PCGF3: variants seen among roughly 807,000 people sequenced by gnomAD.
The protein encoded by PCGF3 is polycomb group ring finger 3.
Under a neutral mutation model 33.1 loss-of-function variants are expected in PCGF3, and 7 were observed. The observed-to-expected ratio is 0.21, with a 90% CI of 0.12 to 0.40. PCGF3 has a LOEUF of 0.40. Ranked by LOEUF, PCGF3 falls within the 10% of genes least tolerant of loss-of-function variation. The pLI, the probability that PCGF3 is intolerant of heterozygous loss-of-function variation, is 1.00. For missense variants in PCGF3, 211 were observed against 313.3 expected, an observed-to-expected ratio of 0.67 and a Z score of 2.46; for synonymous variants, 153 against 121.3, an observed-to-expected ratio of 1.26 and a Z score of -1.72.
chr4:744,551 C>A, intron 7 of PCGF3, 49 bp from the exon 8 acceptor site: 3 of 1,393,140 alleles, frequency 2.2e-6, no homozygotes, highest in East Asian at 2.5e-5. Context: ...TTTTAAATGG[C>A]TTGACAGTTT....
chr4:708,059 G>GC (rs201095868), intron 1 of PCGF3, among the ~76,000 whole-genome samples: 2 of 144,024 alleles, frequency 1.4e-5, no homozygotes, highest in African/African-American at 5.5e-5. Flanking sequence ...TCACCTGGGG[G>GC]CCGGGACCCT....
At chr4:738,851 TC>T (rs199667529) in intron 6 of PCGF3, among the ~76,000 whole-genome samples, 11,283 of 150,666 alleles carry the variant, frequency 0.075, 475 homozygotes, top group South Asian at 0.15. Context: ...AGAGCAAGAC[TC>T]CGTCTCAAAA....
At chr4:726,353 A>C (rs1743333474) in intron 1 of PCGF3, among the ~76,000 whole-genome samples, 1 of 152,308 alleles carries the variant, frequency 6.6e-6, no homozygotes, top group East Asian at 1.9e-4. Flanking sequence ...TCCAACGAGC[A>C]GCGCTGTGTG....
chr4:739,723 G>A lies in PCGF3; in HGVS notation c.262+2202G>A, dbSNP rs573533015. On this transcript the variant is annotated intron_variant, in intron 6 of 10. Transcript: ENST00000362003. Reference sequence around the variant, plus strand: ...GCATGCCACCTCCGTTCCATCGCTCGTCTCCACGTGTTAGTTGGAGTGTGC... The same window carrying A: ...GCATGCCACCTCCGTTCCATCGCTCATCTCCACGTGTTAGTTGGAGTGTGC... Among the ~76,000 whole-genome samples the A allele has an allele frequency of 1.2e-4, 19 of 152,330 alleles. 1 individual carries two copies. In the South Asian group the frequency reaches 2.3e-3, roughly 18 times the overall value.
At chr4:733,848 C>T in intron 4 of PCGF3, 59 bp downstream of exon 4, 2 of 1,612,930 alleles carry the variant, frequency 1.2e-6, no homozygotes, top group Non-Finnish European at 8.5e-7. Context: ...CTGTGCTCTT[C>T]AGAACCTTGG....
In PCGF3 at chr4:761,434, A is replaced by T. The variant is rs1347294148; in HGVS notation, c.600+18A>T. ...TTAACGAGGTAACAGTTGATCCCTA[A>T]GTAGAAACCATAACAAGTCCTCTCT... On this transcript the variant is annotated intron_variant, in intron 9 of 10. Coordinates refer to ENST00000362003, the Ensembl canonical transcript of PCGF3. The T allele has an allele frequency of 1.3e-6, 2 of 1,574,600 alleles. No homozygotes were observed. Among genetic ancestry groups the T allele is most frequent in the African/African-American group, 2.7e-5 (2 of 73,562 alleles).
intron 8 of PCGF3, among the ~76,000 whole-genome samples, chr4:755,339 C>G (rs149182543): frequency 6.6e-6 from 1 of 152,060 alleles, no homozygotes; most frequent in African/African-American, 2.4e-5. Flanking sequence ...GGGTGTCCAG[C>G]GACTCATCGC....
In PCGF3 at chr4:721,818, T is replaced by C. The variant is rs562160017; in HGVS notation, c.-189-8812T>C. ...GGCATGGGGAGGGGCCTGTGGGAGG[T>C]GGGTGGATGGGTGTCTCTGCATGTG... On this transcript the variant is annotated intron_variant, in intron 1 of 10. Transcript: ENST00000362003. The surrounding 1 kb of genome is among the most constrained non-coding windows in gnomAD (Gnocchi z 4.1). 3.4e-4 allele frequency among the ~76,000 whole-genome samples: 44 copies of C among 131,048 alleles called. No individual in the cohort carries two copies. The highest frequency in any genetic ancestry group is 1.2e-3 in the African/African-American group (40 of 32,874). 86.0% of individuals were successfully genotyped at this position (131,048 alleles called of 152,430 possible). A position where few individuals can be genotyped will look rare whatever the true frequency, so the allele number is the denominator to read the frequency against.
intron 6 of PCGF3, among the ~76,000 whole-genome samples, chr4:738,562 G>A (rs1743942054): frequency 1.1e-4 from 17 of 151,262 alleles, no homozygotes; most frequent in Admixed American, 1.1e-3. Context: ...TTTAAGAAAC[G>A]TTTGTGGCCG....
chr4:760,586 C>G (rs1435891758), intron 8 of PCGF3, among the ~76,000 whole-genome samples: 1 of 152,188 alleles, frequency 6.6e-6, no homozygotes, highest in Non-Finnish European at 1.5e-5. Flanking sequence ...TCCATTCTTC[C>G]ACTGCATTTT....
intron 1 of PCGF3, among the ~76,000 whole-genome samples, chr4:709,650 T>C (rs891678518): frequency 6.6e-6 from 1 of 152,282 alleles, no homozygotes; most frequent in Non-Finnish European, 1.5e-5. Flanking sequence ...AGTTGGGCAG[T>C]ACAATGAGGT....
At chr4:708,612 C>G (rs1244128366) in intron 1 of PCGF3, among the ~76,000 whole-genome samples, 3 of 152,352 alleles carry the variant, frequency 2.0e-5, no homozygotes, top group East Asian at 3.9e-4. Context: ...CAGGCTGGCA[C>G]TGCACCCTCC....
At chr4:730,655 G>A (rs1743515426) in exon 2 of PCGF3, 1 of 190,880 alleles carries the variant, frequency 5.2e-6, no homozygotes, top group Admixed American at 6.1e-5. Context: ...AGGGACCCCA[G>A]GCGTCGTGCT....
exon 11 of PCGF3, chr4:769,859 C>T (rs182284069): frequency 6.5e-6 from 1 of 152,728 alleles, no homozygotes; most frequent in Admixed American, 6.5e-5. Flanking sequence ...CGAAGGCAGT[C>T]GAGGTGTGGA....
chr4:722,704 CG>C (rs1743147546), intron 1 of PCGF3, among the ~76,000 whole-genome samples: 1 of 106,564 alleles, frequency 9.4e-6, no homozygotes, highest in African/African-American at 4.0e-5. Flanking sequence ...CACCTGTCTG[CG>C]CTGGGTCCAC....
At chr4:723,049 C>T (rs1356624645) in intron 1 of PCGF3, among the ~76,000 whole-genome samples, 2 of 142,692 alleles carry the variant, frequency 1.4e-5, no homozygotes, top group African/African-American at 2.6e-5. Context: ...CTCACGTCAT[C>T]GCCATCCACG....
chr4:747,970 C>T (rs1744338385), intron 8 of PCGF3, among the ~76,000 whole-genome samples: 1 of 152,176 alleles, frequency 6.6e-6, no homozygotes, highest in African/African-American at 2.4e-5. Flanking sequence ...GCTCTGGCCT[C>T]AGCCCCATGG....
chr4:727,233 C>CTTTTTTTTTTTTTTTTTTTTTTT, intron 1 of PCGF3, among the ~76,000 whole-genome samples: 1 of 61,892 alleles, frequency 1.6e-5, no homozygotes, highest in East Asian at 5.9e-4. Flanking sequence ...TAGCGAGCGT[C>CTTTTTTTTTTTTTTTTTTTTTTT]TTTTTTTTTT....
chr4:748,540 A>G (rs1744372081), intron 8 of PCGF3, among the ~76,000 whole-genome samples: 1 of 152,240 alleles, frequency 6.6e-6, no homozygotes, highest in Non-Finnish European at 1.5e-5. Context: ...TAAAACGTTC[A>G]GTGAGCATTA....
Sources: allele counts gnomAD v4.1 joint callset (sites outside exome capture counted in the v4.1 genomes callset), GRCh38; gene constraint gnomAD v4.1.1; non-coding constraint Gnocchi (gnomAD v3.1); transcripts MANE v1.5; gene names NCBI Gene and HGNC (gene_info 2026-07-23, HGNC 2026-07-21).